NKX2-6: variants seen among roughly 807,000 people sequenced by gnomAD.
NKX2-6 encodes the protein NK2 homeobox 6.
A neutral mutation model predicts 8.6 loss-of-function variants in NKX2-6; 8 were observed. That is an observed-to-expected ratio of 0.93 (90% CI 0.54 to 1.67). The LOEUF (loss-of-function observed/expected upper bound fraction) is 1.67. NKX2-6 is among the 40% of genes most tolerant of loss of function. NKX2-6 has a pLI of 0.00. For synonymous variants in NKX2-6, 210 were observed against 199.3 expected (o/e 1.05, Z -0.45); for missense variants, 475 against 423.1 (o/e 1.12, Z -1.08).
At chr8:23,705,539 C>G (rs1801076964) in intron 1 of NKX2-6, among the ~76,000 whole-genome samples, 1 of 152,204 alleles carries the variant, frequency 6.6e-6, no homozygotes, top group South Asian at 2.1e-4. Flanking sequence ...CAACACAACT[C>G]CCGGATCGAC....
In NKX2-6 at chr8:23,702,676, T is replaced by C; in HGVS notation, c.681A>G (p.Ala227=). 1 of 1,550,784 alleles carries C rather than the reference T, an allele frequency of 6.4e-7. No individual in the cohort carries two copies. The highest frequency in any genetic ancestry group is 8.7e-7 in the Non-Finnish European group (1 of 1,146,582). ...CACTGTAGGGGCTGGGGAAGGCAGG[T>C]GCGCCGGGCCCGGGGCCCAGGCAGG... is the stretch of plus-strand genomic sequence containing the variant. ...GKPCLGPGPG[A]PAFPSPYSAA... is the part of the protein sequence containing the mutation. The change falls in exon 2 of 2, where the codon GCA becomes GCG. Residue 227 remains alanine, a synonymous_variant. Coordinates refer to ENST00000325017, the MANE Select transcript of NKX2-6 (RefSeq NM_001136271.3).
Position 23,702,556 on chromosome 8 carries a change from A to G in NKX2-6, c.801T>C (p.Pro267=), listed in dbSNP as rs1801020816. ...GTCYAGAPSG[P]APHTPLASAG... is the part of the protein sequence containing the mutation. ...CGCTGGCCAGTGGTGTGTGTGGCGC[A>G]GGACCCGAGGGCGCGCCCGCGTAGC... Residue 267 remains proline (P), a synonymous_variant, in exon 2 of 2, where the codon CCT becomes CCC. Coordinates refer to ENST00000325017, the MANE Select transcript of NKX2-6 (RefSeq NM_001136271.3). 1.3e-6 allele frequency: 2 copies of G among 1,543,962 alleles called. No homozygotes were observed. The highest frequency in any genetic ancestry group is 1.7e-6 in the Non-Finnish European group (2 of 1,146,224).
chr8:23,703,204 C>G, intron 1 of NKX2-6, 122 bp from the exon 2 acceptor site: 1 of 1,156,856 alleles, frequency 8.6e-7, no homozygotes, highest in Non-Finnish European at 1.2e-6. Context: ...CCTCCTCCCT[C>G]CTACTGCCCC....
intron 1 of NKX2-6, among the ~76,000 whole-genome samples, chr8:23,704,786 A>G (rs1415381694): frequency 6.6e-6 from 1 of 152,220 alleles, no homozygotes; most frequent in Non-Finnish European, 1.5e-5. Flanking sequence ...GCCAGGCTGC[A>G]GAGCAAGGAG....
rs1801097657 is a variant in NKX2-6, at chr8:23,706,639, G to A, written c.-41C>T. The A allele has an allele frequency of 9.3e-6, 14 of 1,507,754 alleles. No individual in the cohort carries two copies. Among genetic ancestry groups the A allele is most frequent in the Middle Eastern group, 2.0e-4 (1 of 5,030 alleles). 93.4% of individuals were successfully genotyped at this position (1,507,754 alleles called of 1,614,324 possible). A position where few individuals can be genotyped will look rare whatever the true frequency, so the allele number is the denominator to read the frequency against. ...GGCGGGGCCGAGGAGGTCCGGGTGA[G>A]GAGCGGCACCCTGAACTTCCCGTCT... On this transcript the variant is annotated 5_prime_UTR_variant, in exon 1 of 2. Coordinates refer to ENST00000325017, the MANE Select transcript of NKX2-6 (RefSeq NM_001136271.3).
intron 1 of NKX2-6, 64 bp downstream of exon 1, chr8:23,706,261 C>G: frequency 1.4e-6 from 2 of 1,444,428 alleles, no homozygotes; most frequent in Non-Finnish European, 9.3e-7. Context: ...CCCCATGCAC[C>G]CATGGATCAC....
At position 23,702,385 on chromosome 8, in the gene NKX2-6, G is replaced by A; in HGVS notation, c.*66C>T. On this transcript the variant is annotated 3_prime_UTR_variant, in exon 2 of 2. Transcript: ENST00000325017. ...CAGCGCCGCGTCCCCTCCTTGTCAC[G>A]ACCTGCGGGCGGAGGGGAAGGGAAC... 1.4e-6 allele frequency: 2 copies of A among 1,407,128 alleles called. No individual in the cohort carries two copies. The highest frequency in any genetic ancestry group is 9.3e-7 in the Non-Finnish European group (1 of 1,079,402). 87.2% of individuals were successfully genotyped at this position (1,407,128 alleles called of 1,614,324 possible).
chr8:23,705,633 C>T (rs1801078285), intron 1 of NKX2-6, among the ~76,000 whole-genome samples: 1 of 152,250 alleles, frequency 6.6e-6, no homozygotes, highest in Non-Finnish European at 1.5e-5. Context: ...CGCACGGTTG[C>T]GCCTTTGGAT....
At position 23,706,440 on chromosome 8, in the gene NKX2-6, T is replaced by A; in HGVS notation, c.159A>T (p.Ser53=). ...CGCCGCCACCAGCGTTGTGAACCTC[T>A]GACCCTCGCGGCTCTGCGTCCATTC... The part of the protein sequence containing the change: ...YLRMDAEPRG[S]EVHNAGGGGG... The change falls in exon 1 of 2, where the codon TCA becomes TCT. Residue 53 remains serine, a synonymous_variant. Coordinates refer to ENST00000325017, the MANE Select transcript of NKX2-6 (RefSeq NM_001136271.3). 1.3e-6 allele frequency: 2 copies of A among 1,549,092 alleles called. No individual in the cohort carries two copies. Among genetic ancestry groups the A allele is most frequent in the Non-Finnish European group, 1.7e-6 (2 of 1,147,002 alleles).
At position 23,702,960 on chromosome 8, in the gene NKX2-6, G is replaced by C; in HGVS notation, c.397C>G (p.Arg133Gly). The stretch of plus-strand genomic sequence containing the variant: ...TGCGAAAAGAGCACGCGCGGCTTCC[G>C]TCGTTGCCGCGCCTTGGGCTGCTCC... Reference protein sequence around the residue: ...RSEQPKARQRRKPRVLFSQAQ... With the variant: ...RSEQPKARQRGKPRVLFSQAQ... The change falls in exon 2 of 2, where the codon CGG becomes GGG. Residue 133 changes from arginine (R) to glycine (G), a missense_variant. Physicochemically the swap from Arg to Gly is moderately radical, Grantham distance 125. Transcript: ENST00000325017. 1 of 1,546,668 alleles carries C rather than the reference G, an allele frequency of 6.5e-7. No homozygotes were observed. Among genetic ancestry groups the C allele is most frequent in the Non-Finnish European group, 8.7e-7 (1 of 1,145,568 alleles).
In NKX2-6 at chr8:23,702,998, C is replaced by A. The variant is rs61743032; in HGVS notation, c.359G>T (p.Arg120Leu). The A allele has an allele frequency of 1.9e-6, 3 of 1,541,052 alleles. No homozygotes were observed. The Admixed American group carries it at 5.9e-5, about 30-fold the overall frequency. ...CTTGGGCTGCTCCGAGCGGCCACCC[C>A]GCACGCTGTCGCCGCTGTTGCCAAC... is the stretch of plus-strand genomic sequence containing the variant. ...RGVGNSGDSVRGGRSEQPKAR... is the reference protein window; with the variant it reads ...RGVGNSGDSVLGGRSEQPKAR... The change falls in exon 2 of 2, where the codon CGG becomes CTG. Residue 120 changes from arginine to leucine, a missense_variant. Coordinates refer to ENST00000325017, the MANE Select transcript of NKX2-6 (RefSeq NM_001136271.3).
chr8:23,706,571 G>T lies in NKX2-6; in HGVS notation c.28C>A (p.Pro10Thr). 1.3e-6 allele frequency: 2 copies of T among 1,536,122 alleles called. No individual in the cohort carries two copies. The highest frequency in any genetic ancestry group is 1.7e-6 in the Non-Finnish European group (2 of 1,146,824). Residue 10 changes from proline (P) to threonine (T), a missense_variant, in exon 1 of 2, where the codon CCC becomes ACC. Coordinates refer to ENST00000325017, the MANE Select transcript of NKX2-6 (RefSeq NM_001136271.3). The part of the protein sequence containing the change: MLLSPVTST[P>T]FSVKDILRLE... Reference sequence around the variant, plus strand: ...CGCAGGATGTCCTTGACCGAGAAGGGGGTGGAGGTGACGGGGCTCAGCAGC... The same window carrying T: ...CGCAGGATGTCCTTGACCGAGAAGGTGGTGGAGGTGACGGGGCTCAGCAGC...
Position 23,702,343 on chromosome 8 carries a change from G to T in NKX2-6, c.*108C>A. On this transcript the variant is annotated 3_prime_UTR_variant, in exon 2 of 2. Transcript: ENST00000325017. ...GATCCCTCCGGAAAGAAGCGCCGTTGGGTAGCAGCTTCCTTCCAGCGCCGC... is the reference window on the plus strand; with the variant it reads ...GATCCCTCCGGAAAGAAGCGCCGTTTGGTAGCAGCTTCCTTCCAGCGCCGC... The T allele has an allele frequency of 1.6e-6, 2 of 1,227,598 alleles. No homozygotes were observed. The highest frequency in any genetic ancestry group is 2.2e-6 in the Non-Finnish European group (2 of 916,234). The allele number at this position is 1,227,598 out of a possible 1,614,324, so 76.0% of individuals were successfully genotyped here. A position where few individuals can be genotyped will look rare whatever the true frequency, so the allele number is the denominator to read the frequency against.
Position 23,702,490 on chromosome 8 carries a change from G to A in NKX2-6, c.867C>T (p.Gly289=), listed in dbSNP as rs1554510734. 12 of 1,512,978 alleles carry A rather than the reference G, an allele frequency of 7.9e-6. No individual in the cohort carries two copies. The highest frequency in any genetic ancestry group is 9.7e-6 in the Non-Finnish European group (11 of 1,129,602). The allele number at this position is 1,512,978 out of a possible 1,614,324, so 93.7% of individuals were successfully genotyped here. A position where few individuals can be genotyped will look rare whatever the true frequency, so the allele number is the denominator to read the frequency against. ...CACCCTGCAGCGTGGCTGCCAGATG[G>A]CCCTGCGGGGTGGCATTCTGGCCAC... The part of the protein sequence containing the change: ...GHGGQNATPQ[G]HLAATLQGVR... The change falls in exon 2 of 2, where the codon GGC becomes GGT. Residue 289 remains glycine (G), a synonymous_variant. Transcript: ENST00000325017.
Position 23,706,652 on chromosome 8 carries a change from G to A in NKX2-6, c.-54C>T. The A allele has an allele frequency of 1.3e-6, 2 of 1,483,584 alleles. No homozygotes were observed. The highest frequency in any genetic ancestry group is 1.8e-6 in the Non-Finnish European group (2 of 1,115,502). 91.9% of individuals were successfully genotyped at this position (1,483,584 alleles called of 1,614,324 possible). On this transcript the variant is annotated 5_prime_UTR_variant, in exon 1 of 2. Coordinates refer to ENST00000325017, the MANE Select transcript of NKX2-6 (RefSeq NM_001136271.3). The stretch of plus-strand genomic sequence containing the variant: ...AGGTCCGGGTGAGGAGCGGCACCCT[G>A]AACTTCCCGTCTTGTCGCTGCAGGC...
intron 1 of NKX2-6, among the ~76,000 whole-genome samples, chr8:23,705,945 G>A (rs1801083002): frequency 6.6e-6 from 1 of 152,182 alleles, no homozygotes; most frequent in African/African-American, 2.4e-5. Flanking sequence ...GAGACACCAG[G>A]TGATGGTAGG....
chr8:23,703,002 C>A lies in NKX2-6; in HGVS notation c.355G>T (p.Val119Leu), dbSNP rs1353742208. 4 of 1,540,718 alleles carry A rather than the reference C, an allele frequency of 2.6e-6. No homozygotes were observed. In the African/African-American group the frequency reaches 4.1e-5, roughly 16 times the overall value. ...GGCTGCTCCGAGCGGCCACCCCGCACGCTGTCGCCGCTGTTGCCAACGCCG... is the reference window on the plus strand; with the variant it reads ...GGCTGCTCCGAGCGGCCACCCCGCAAGCTGTCGCCGCTGTTGCCAACGCCG... ...ERGVGNSGDS[V>L]RGGRSEQPKA... Residue 119 changes from valine to leucine, a missense_variant, in exon 2 of 2, where the codon GTG becomes TTG. Physicochemically the swap from Val to Leu is conservative, Grantham distance 32 (BLOSUM62 1). Coordinates refer to ENST00000325017, the MANE Select transcript of NKX2-6 (RefSeq NM_001136271.3).
intron 1 of NKX2-6, among the ~76,000 whole-genome samples, chr8:23,704,754 G>A (rs1445587246): frequency 6.6e-5 from 10 of 152,310 alleles, no homozygotes; most frequent in East Asian, 3.9e-4. Flanking sequence ...TTAGCGCATC[G>A]AAAGGTAACA....
chr8:23,702,862 C>T lies in NKX2-6; in HGVS notation c.495G>A (p.Leu165=). The T allele has an allele frequency of 6.4e-7, 1 of 1,564,974 alleles. No individual in the cohort carries two copies. The highest frequency in any genetic ancestry group is 8.7e-7 in the Non-Finnish European group (1 of 1,154,494). ...RYLSAPEREH[L]ASALQLTSTQ... ...TGGACGTGAGCTGCAGCGCGCTGGC[C>T]AGGTGCTCGCGCTCGGGCGCTGACA... is the stretch of plus-strand genomic sequence containing the variant. The change falls in exon 2 of 2, where the codon CTG becomes CTA. Residue 165 remains leucine, a synonymous_variant. Transcript: ENST00000325017.
Sources: allele counts gnomAD v4.1 joint callset (sites outside exome capture counted in the v4.1 genomes callset), GRCh38; gene constraint gnomAD v4.1.1; transcripts MANE v1.5; gene names NCBI Gene and HGNC (gene_info 2026-07-23, HGNC 2026-07-21).